ZAR1L: variants seen among roughly 807,000 people sequenced by gnomAD.
ZAR1L encodes zygote arrest 1 like.
A neutral mutation model predicts 30.0 loss-of-function variants in ZAR1L; 16 were observed. The ratio of observed to expected loss-of-function variants is 0.53; its 90% CI spans 0.36 to 0.81. ZAR1L has a LOEUF of 0.81. Ranked by LOEUF, ZAR1L falls within the 30% of genes least tolerant of loss-of-function variation. The pLI is 0.00. For synonymous variants in ZAR1L, 197 were observed against 166.8 expected, an observed-to-expected ratio of 1.18 and a Z score of -1.40; for missense variants, 392 against 417.2, an observed-to-expected ratio of 0.94 and a Z score of 0.53.
At chr13:32,305,448 G>A (rs183140176) in intron 5 of ZAR1L, among the ~76,000 whole-genome samples, 1,547 of 151,678 alleles carry the variant, frequency 0.01, 31 homozygotes, top group African/African-American at 0.035. Context: ...GGGTGGTATC[G>A]ATCTCCTGAC....
chr13:32,311,537 C>A lies in ZAR1L; in HGVS notation c.389G>T (p.Cys130Phe). ...GRDPQEPLPA[C>F]GVTSPATGRR... ...GCCGGTGGCGGGCGAAGTGACCCCA[C>A]AGGCTGGCAGGGGCTCCTGGGGGTC... Residue 130 changes from cysteine to phenylalanine, a missense_variant, in exon 3 of 6, where the codon TGT becomes TTT. By Grantham distance (205) the Cys-to-Phe change is radical. Coordinates refer to ENST00000533490, the MANE Select transcript of ZAR1L (RefSeq NM_001136571.2). The A allele has an allele frequency of 6.5e-7, 1 of 1,534,498 alleles. No homozygotes were observed. The highest frequency in any genetic ancestry group is 8.8e-7 in the Non-Finnish European group (1 of 1,139,766).
In ZAR1L at chr13:32,308,626, C is replaced by A; in HGVS notation, c.822+60G>T. 2.3e-6 allele frequency: 3 copies of A among 1,285,896 alleles called. No individual in the cohort carries two copies. The South Asian group carries it at 3.9e-5, about 17-fold the overall frequency. The allele number at this position is 1,285,896 out of a possible 1,614,324, so 79.7% of individuals were successfully genotyped here. On this transcript the variant is annotated intron_variant, in intron 5 of 5. Coordinates refer to ENST00000533490, the MANE Select transcript of ZAR1L (RefSeq NM_001136571.2). Reference sequence around the variant, plus strand: ...ACTCTATCAAATCCTAACATTTTGTCACAGAGGCTTCATTTTAGTAATGAA... The same window carrying A: ...ACTCTATCAAATCCTAACATTTTGTAACAGAGGCTTCATTTTAGTAATGAA...
intron 5 of ZAR1L, among the ~76,000 whole-genome samples, chr13:32,306,103 T>C (rs1429058448): frequency 6.6e-6 from 1 of 152,050 alleles, no homozygotes; most frequent in East Asian, 1.9e-4. Context: ...ATACAACAAA[T>C]AAAATCAATA....
In ZAR1L at chr13:32,312,076, G is replaced by A. The variant is rs9534154; in HGVS notation, c.-151C>T. 153,365 of 915,230 alleles carry A rather than the reference G, an allele frequency of 0.17. 13,659 individuals carry two copies. The highest frequency in any genetic ancestry group is 0.2 in the Admixed American group (6,774 of 33,350). 56.7% of individuals were successfully genotyped at this position (915,230 alleles called of 1,614,324 possible). On this transcript the variant is annotated 5_prime_UTR_variant, in exon 3 of 6. Coordinates refer to ENST00000533490, the MANE Select transcript of ZAR1L (RefSeq NM_001136571.2). Reference sequence around the variant, plus strand: ...CTCCATTTATTTCAGATTCTAATGGGAGCTGCTGCTTATTACCCTGATTGA... The same window carrying A: ...CTCCATTTATTTCAGATTCTAATGGAAGCTGCTGCTTATTACCCTGATTGA...
intron 3 of ZAR1L, 134 bp from the exon 4 acceptor site, chr13:32,310,865 T>A (rs1157987310): frequency 1.5e-6 from 1 of 675,136 alleles, no homozygotes; most frequent in Admixed American, 2.7e-5. Context: ...ACTACGGCAT[T>A]GATTCAGTTT....
intron 5 of ZAR1L, 86 bp downstream of exon 5, chr13:32,308,600 A>G: frequency 1.0e-6 from 1 of 975,116 alleles, no homozygotes. Flanking sequence ...ACCAATATCC[A>G]ACTCTATCAA....
Position 32,303,846 on chromosome 13 carries a change from C to A in ZAR1L, c.*33G>T. The stretch of plus-strand genomic sequence containing the variant: ...ACAGCACAGTAAGTTACAAGAAGAG[C>A]TCAGGGGTCCATTACAAGTCACACT... On this transcript the variant is annotated 3_prime_UTR_variant, in exon 6 of 6. Coordinates refer to ENST00000533490, the MANE Select transcript of ZAR1L (RefSeq NM_001136571.2). 1 of 1,543,746 alleles carries A rather than the reference C, an allele frequency of 6.5e-7. No individual in the cohort carries two copies. Among genetic ancestry groups the A allele is most frequent in the Non-Finnish European group, 8.8e-7 (1 of 1,142,474 alleles).
intron 4 of ZAR1L, among the ~76,000 whole-genome samples, chr13:32,309,977 C>A (rs116646537): frequency 0.016 from 2,457 of 152,338 alleles, 59 homozygotes; most frequent in African/African-American, 0.056. Flanking sequence ...CAGCACAGGG[C>A]GTTCACACTC....
In ZAR1L at chr13:32,311,466, T is replaced by C. The variant is rs945800752; in HGVS notation, c.460A>G (p.Ser154Gly). 3.2e-6 allele frequency: 5 copies of C among 1,546,670 alleles called. No individual in the cohort carries two copies. Among genetic ancestry groups the C allele is most frequent in the Non-Finnish European group, 2.6e-6 (3 of 1,146,764 alleles). The stretch of plus-strand genomic sequence containing the variant: ...TCCGCAGGGCCCGGGAGCGCCTTGC[T>C]CTCCGCTTCGTCCCCATCTCTCCGC... ...RLRRDGDEAE[S>G]KALPGPAEAS... The change falls in exon 3 of 6, where the codon AGC (serine) becomes GGC (glycine). Residue 154 changes from serine (S) to glycine (G), a missense_variant. Transcript: ENST00000533490.
Position 32,303,866 on chromosome 13 carries a change from C to T in ZAR1L, c.*13G>A. ...AAGAGCTCAGGGGTCCATTACAAGT[C>T]ACACTGTACAAGTCACATCACATAT... On this transcript the variant is annotated 3_prime_UTR_variant, in exon 6 of 6. Coordinates refer to ENST00000533490, the MANE Select transcript of ZAR1L (RefSeq NM_001136571.2). The T allele has an allele frequency of 6.5e-7, 1 of 1,549,450 alleles. No individual in the cohort carries two copies. The highest frequency in any genetic ancestry group is 8.7e-7 in the Non-Finnish European group (1 of 1,145,932).
In ZAR1L at chr13:32,303,912, A is replaced by G. The variant is rs2072156495; in HGVS notation, c.933T>C (p.Cys311=). ...CATATTTAAAGCTGTAAATATTGCC[A>G]CAGGAGAATCTCTTGTCTTTGCAGC... ...CGRCKDKRFS[C]GNIYSFKYVM is the part of the protein sequence containing the mutation. The change falls in exon 6 of 6, where the codon TGT becomes TGC. Residue 311 remains cysteine, a synonymous_variant. Transcript: ENST00000533490. 1 of 1,551,828 alleles carries G rather than the reference A, an allele frequency of 6.4e-7. No individual in the cohort carries two copies. The highest frequency in any genetic ancestry group is 2.0e-5 in the Admixed American group (1 of 51,008).
Position 32,312,059 on chromosome 13 carries a change from A to T in ZAR1L, c.-134T>A. The T allele has an allele frequency of 9.4e-7, 1 of 1,062,842 alleles. No homozygotes were observed. The highest frequency in any genetic ancestry group is 1.3e-6 in the Non-Finnish European group (1 of 761,464). 65.8% of individuals were successfully genotyped at this position (1,062,842 alleles called of 1,614,324 possible). Reference sequence around the variant, plus strand: ...AGATTCATTCCTGGCTTCTCCATTTATTTCAGATTCTAATGGGAGCTGCTG... The same window carrying T: ...AGATTCATTCCTGGCTTCTCCATTTTTTTCAGATTCTAATGGGAGCTGCTG... On this transcript the variant is annotated 5_prime_UTR_variant, in exon 3 of 6. Transcript: ENST00000533490.
intron 2 of ZAR1L, among the ~76,000 whole-genome samples, chr13:32,313,132 G>A (rs934844628): frequency 2.7e-4 from 41 of 152,190 alleles, no homozygotes; most frequent in Admixed American, 2.0e-4. Flanking sequence ...GAATGAATGA[G>A]TCTAGAGATC....
rs1419248252 is a variant in ZAR1L at position 32,303,849 on chromosome 13, A to G, written c.*30T>C. The G allele has an allele frequency of 1.3e-6, 2 of 1,545,000 alleles. No homozygotes were observed. Among genetic ancestry groups the G allele is most frequent in the South Asian group, 1.2e-5 (1 of 83,096 alleles). On this transcript the variant is annotated 3_prime_UTR_variant, in exon 6 of 6. Transcript: ENST00000533490. ...GCACAGTAAGTTACAAGAAGAGCTCAGGGGTCCATTACAAGTCACACTGTA... is the reference window on the plus strand; with the variant it reads ...GCACAGTAAGTTACAAGAAGAGCTCGGGGGTCCATTACAAGTCACACTGTA...
Position 32,311,733 on chromosome 13 carries a change from T to A in ZAR1L, c.193A>T (p.Arg65Trp), listed in dbSNP as rs1182800404. 6.4e-7 allele frequency: 1 copy of A among 1,551,646 alleles called. No homozygotes were observed. Among genetic ancestry groups the A allele is most frequent in the African/African-American group, 1.4e-5 (1 of 73,174 alleles). The change falls in exon 3 of 6, where the codon AGG (arginine) becomes TGG (tryptophan). Residue 65 changes from arginine to tryptophan, a missense_variant. Arg to Trp is a moderately radical substitution (Grantham distance 101). Transcript: ENST00000533490. Reference sequence around the variant, plus strand: ...GAGAGAATGGCCTTAAGCTGCGCCCTCTTGTAAGGGTCAATGCAGTAGTCA... The same window carrying A: ...GAGAGAATGGCCTTAAGCTGCGCCCACTTGTAAGGGTCAATGCAGTAGTCA... ...APDYCIDPYK[R>W]AQLKAILSQM...
chr13:32,304,005 A>G lies in ZAR1L; in HGVS notation c.840T>C (p.His280=), dbSNP rs1327892809. 2 of 1,552,046 alleles carry G rather than the reference A, an allele frequency of 1.3e-6. No individual in the cohort carries two copies. Among genetic ancestry groups the G allele is most frequent in the Non-Finnish European group, 8.7e-7 (1 of 1,147,048 alleles). The change falls in exon 6 of 6, where the codon CAT becomes CAC. Residue 280 remains histidine (H), a synonymous_variant. Coordinates refer to ENST00000533490, the MANE Select transcript of ZAR1L (RefSeq NM_001136571.2). ...GTCTCTTCTTTTGAGGACAGGAACA[A>G]TGAGACTTTGAGCAGGTCTTTAGGA... is the stretch of plus-strand genomic sequence containing the variant. ...AIQCQTCSKS[H]CSCPQKKRHI...
rs1234502698 is a variant in ZAR1L, at chr13:32,308,765, A to G, written c.748-5T>C. 2 of 1,534,574 alleles carry G rather than the reference A, an allele frequency of 1.3e-6. No homozygotes were observed. The highest frequency in any genetic ancestry group is 5.0e-5 in the East Asian group (2 of 40,250). On this transcript the variant is annotated splice_polypyrimidine_tract_variant and splice_region_variant and intron_variant, in intron 4 of 5. Transcript: ENST00000533490. ...ACAGAGTTGTTTGAAATAAACCTAA[A>G]GAGAAATATGTTTTTTTTTAATACA... is the stretch of plus-strand genomic sequence containing the variant.
intron 4 of ZAR1L, among the ~76,000 whole-genome samples, chr13:32,309,094 G>A (rs566014172): frequency 3.3e-5 from 5 of 151,480 alleles, no homozygotes; most frequent in Non-Finnish European, 7.4e-5. Context: ...GGGTTCAAGC[G>A]ATTCTCCTGC....
intron 2 of ZAR1L, among the ~76,000 whole-genome samples, chr13:32,312,768 C>G (rs1422835246): frequency 2.0e-5 from 3 of 152,130 alleles, no homozygotes; most frequent in Non-Finnish European, 4.4e-5. Context: ...ATCCCAGCTA[C>G]TCGGGAGGCT....
Sources: allele counts gnomAD v4.1 joint callset (sites outside exome capture counted in the v4.1 genomes callset), GRCh38; gene constraint gnomAD v4.1.1; transcripts MANE v1.5; gene names NCBI Gene and HGNC (gene_info 2026-07-23, HGNC 2026-07-21).